USP40: variants seen among roughly 807,000 people sequenced by gnomAD.
USP40 encodes the protein ubiquitin carboxyl-terminal hydrolase 40.
In USP40, 143 loss-of-function variants were observed where a neutral mutation model predicts 166.2. The ratio of observed to expected loss-of-function variants is 0.86; its 90% confidence interval spans 0.75 to 0.99. The LOEUF is 0.99. USP40 is among the 50% of genes least tolerant of loss of function. The pLI, the probability that USP40 is intolerant of heterozygous loss-of-function variation, is 0.00. For missense variants in USP40, 1,444 were observed against 1,479.7 expected, an observed-to-expected ratio of 0.98 and a Z score of 0.40; for synonymous variants, 498 against 524.0, an observed-to-expected ratio of 0.95 and a Z score of 0.68.
intron 24 of USP40, among the ~76,000 whole-genome samples, chr2:233,495,637 G>A (rs531566858): frequency 6.6e-6 from 1 of 152,256 alleles, no homozygotes; most frequent in South Asian, 2.1e-4. Context: ...ACTTCAGTGT[G>A]TGCAAGTGTG....
At chr2:233,539,657 C>A (rs1411827791) in intron 10 of USP40, among the ~76,000 whole-genome samples, 1 of 151,134 alleles carries the variant, frequency 6.6e-6, no homozygotes, top group African/African-American at 2.4e-5. Context: ...ATAACTAGTG[C>A]TTGGAAGAAA....
rs80228664 is a variant in USP40, at chr2:233,480,225, A to G, written c.3599+978T>C. On this transcript the variant is annotated intron_variant, in intron 31 of 31. Coordinates refer to ENST00000678225, the MANE Select transcript of USP40 (RefSeq NM_001365479.2). The surrounding 1 kb of genome is among the most constrained non-coding windows in gnomAD (Gnocchi z 4.5). ...GGGCAGCCAAGATACTGAGGGGCAG[A>G]AGAAGGGGATTAGGGTGAGCGGGGC... Among the ~76,000 whole-genome samples, 8,343 of 152,224 alleles carry G rather than the reference A, an allele frequency of 0.055. 618 individuals are homozygous for G. The highest frequency in any genetic ancestry group is 0.17 in the African/African-American group (6,897 of 41,504).
At chr2:233,514,300 G>A (rs1354555039) in intron 18 of USP40, among the ~76,000 whole-genome samples, 1 of 152,156 alleles carries the variant, frequency 6.6e-6, no homozygotes, top group African/African-American at 2.4e-5. Context: ...TGTTAGGAGA[G>A]TACATCAGCA....
At chr2:233,509,860 A>C (rs2066679823) in intron 21 of USP40, among the ~76,000 whole-genome samples, 189 bp downstream of exon 21, 1 of 151,574 alleles carries the variant, frequency 6.6e-6, no homozygotes, top group South Asian at 2.1e-4. Flanking sequence ...AAAAAAAAAA[A>C]AAATCCAGTT....
At chr2:233,489,618 T>TAC in intron 26 of USP40, 135 bp from the exon 27 acceptor site, 1 of 721,520 alleles carries the variant, frequency 1.4e-6, no homozygotes, top group Non-Finnish European at 2.3e-6. Flanking sequence ...ATAACATCAT[T>TAC]TTAAAAGTCA....
chr2:233,511,431 G>T (rs1029004867), intron 20 of USP40, among the ~76,000 whole-genome samples: 2 of 152,166 alleles, frequency 1.3e-5, no homozygotes, highest in Non-Finnish European at 2.9e-5. Flanking sequence ...GTGTATCTTA[G>T]AACTTAGGAA....
intron 30 of USP40, among the ~76,000 whole-genome samples, chr2:233,482,378 A>T (rs913281366): frequency 6.6e-6 from 1 of 151,608 alleles, no homozygotes; most frequent in Admixed American, 6.6e-5. Flanking sequence ...AAAAAAAAAA[A>T]TCTGTCAATT....
At chr2:233,532,723 T>G (rs2068637762) in intron 11 of USP40, among the ~76,000 whole-genome samples, 1 of 152,088 alleles carries the variant, frequency 6.6e-6, no homozygotes, top group African/African-American at 2.4e-5. Flanking sequence ...GTGAGCATCA[T>G]CTGAGGCCAG....
intron 21 of USP40, among the ~76,000 whole-genome samples, chr2:233,503,478 A>C (rs1436771814): frequency 2.6e-5 from 4 of 152,200 alleles, no homozygotes; most frequent in African/African-American, 9.6e-5. Flanking sequence ...GGCACTTTAT[A>C]ATAAGACTCT....
At chr2:233,500,061 A>G in intron 21 of USP40, 146 bp from the exon 22 acceptor site, 1 of 608,894 alleles carries the variant, frequency 1.6e-6, no homozygotes, top group Non-Finnish European at 2.7e-6. Context: ...AGTTAAGAAG[A>G]TAATACACGA....
At chr2:233,521,267 T>C (rs1383489318) in intron 16 of USP40, among the ~76,000 whole-genome samples, 153 bp from the exon 17 acceptor site, 2 of 152,254 alleles carry the variant, frequency 1.3e-5, no homozygotes, top group Non-Finnish European at 2.9e-5. Context: ...AGGGTAATGT[T>C]AGGCAGTAGT....
intron 24 of USP40, among the ~76,000 whole-genome samples, chr2:233,496,114 T>G (rs1166771312): frequency 1.3e-5 from 2 of 152,264 alleles, no homozygotes; most frequent in Non-Finnish European, 2.9e-5. Context: ...GCTTTTCATT[T>G]CAAGCTTTCT....
chr2:233,503,848 G>A (rs2066238866), intron 21 of USP40, among the ~76,000 whole-genome samples: 4 of 152,082 alleles, frequency 2.6e-5, no homozygotes. Flanking sequence ...CACAAGTATA[G>A]GTAAATTCAT....
intron 26 of USP40, among the ~76,000 whole-genome samples, chr2:233,490,516 C>T (rs189678207): frequency 6.6e-6 from 1 of 152,154 alleles, no homozygotes; most frequent in South Asian, 2.1e-4. Context: ...ATACTGAGGG[C>T]GCACAAAAGC....
intron 26 of USP40, 158 bp from the exon 27 acceptor site, chr2:233,489,641 T>C: frequency 1.5e-6 from 1 of 651,810 alleles, no homozygotes; most frequent in African/African-American, 1.8e-5. Context: ...GGAATCTCTC[T>C]CTCTCTTAAA....
intron 2 of USP40, among the ~76,000 whole-genome samples, chr2:233,564,817 C>A (rs1386492746): frequency 6.6e-6 from 1 of 152,136 alleles, no homozygotes; most frequent in East Asian, 1.9e-4. Context: ...CATGAGATAA[C>A]TAAAAACTGT....
chr2:233,499,817 A>C, intron 22 of USP40, 62 bp downstream of exon 22: 1 of 1,521,786 alleles, frequency 6.6e-7, no homozygotes, highest in Non-Finnish European at 8.9e-7. Flanking sequence ...CTGGAGAAAA[A>C]AAAAGTCAAA....
intron 6 of USP40, 143 bp downstream of exon 6, chr2:233,554,237 T>C (rs2070844139): frequency 1.1e-6 from 1 of 918,662 alleles, no homozygotes; most frequent in Non-Finnish European, 1.5e-6. Context: ...TTGTAAAAAA[T>C]TAAAATACAG....
intron 7 of USP40, among the ~76,000 whole-genome samples, chr2:233,549,558 T>C (rs79031219): frequency 0.048 from 7,293 of 152,154 alleles, 227 homozygotes; most frequent in Middle Eastern, 0.078. Flanking sequence ...GAGTCTGTTG[T>C]AGAAATTTTT....
Sources: allele counts gnomAD v4.1 joint callset (sites outside exome capture counted in the v4.1 genomes callset), GRCh38; gene constraint gnomAD v4.1.1; non-coding constraint Gnocchi (gnomAD v3.1); transcripts MANE v1.5; gene names NCBI Gene and HGNC (gene_info 2026-07-23, HGNC 2026-07-21).